Variants in SLC35F5 observed in about 807,000 individuals in gnomAD.
The protein encoded by SLC35F5 is solute carrier family 35 member F5, also known as HCV NS5A-transactivated protein 3.
SLC35F5 carries 54 observed loss-of-function variants against 68.6 expected under a neutral mutation model. That is an observed-to-expected ratio of 0.79 (90% CI 0.63 to 0.99). The LOEUF (loss-of-function observed/expected upper bound fraction) is 0.99, where lower values mean the gene tolerates loss of function less well. SLC35F5 is among the 50% of genes least tolerant of loss of function. SLC35F5 has a pLI of 0.00. For missense variants in SLC35F5, 567 were observed against 626.9 expected (o/e 0.90, Z 1.02); for synonymous variants, 211 against 205.2 (o/e 1.03, Z -0.24).
At chr2:113,703,435 T>G (rs988418737), downstream of SLC35F5, among the ~76,000 whole-genome samples, 1 of 152,164 alleles carries the variant, frequency 6.6e-6, no homozygotes, top group African/African-American at 2.4e-5. Context: ...TAATTCCAAT[T>G]TTAAAACAAA....
At chr2:113,728,141 G>A (rs1486441494) in intron 11 of SLC35F5, among the ~76,000 whole-genome samples, 1 of 152,040 alleles carries the variant, frequency 6.6e-6, no homozygotes, top group Non-Finnish European at 1.5e-5. Context: ...ACAAACACAT[G>A]TAACCAAACC....
chr2:113,752,363 A>G (rs1676780161), intron 3 of SLC35F5, among the ~76,000 whole-genome samples: 1 of 152,208 alleles, frequency 6.6e-6, no homozygotes, highest in Non-Finnish European at 1.5e-5. Flanking sequence ...AAACGTGGAT[A>G]TTCAACTATT....
In SLC35F5 at chr2:113,719,185, C is replaced by T; in HGVS notation, c.1465G>A (p.Ala489Thr). ...PVMVGIRRIF[A>T]FICRKHRIQR... ...ATTCGATGTTTTCTGCATATAAAAG[C>T]AAATATTCTTCTGATTCCCACCATC... The change falls in exon 14 of 16, where the codon GCT (alanine) becomes ACT (threonine). Residue 489 changes from alanine to threonine, a missense_variant. Ala to Thr is a moderately conservative substitution (Grantham distance 58). Coordinates refer to ENST00000245680, the MANE Select transcript of SLC35F5 (RefSeq NM_025181.5). The T allele has an allele frequency of 6.2e-7, 1 of 1,606,768 alleles. No homozygotes were observed.
downstream of SLC35F5, among the ~76,000 whole-genome samples, chr2:113,706,356 G>A (rs1180898017): frequency 2.0e-5 from 3 of 151,952 alleles, no homozygotes; most frequent in Non-Finnish European, 4.4e-5. Flanking sequence ...GCTCTGCTGC[G>A]GGGGTTGTGC....
At position 113,756,155 on chromosome 2, in the gene SLC35F5, C is replaced by G. The variant is rs988920776; in HGVS notation, c.40+215G>C. 7 of 1,449,654 alleles carry G rather than the reference C, an allele frequency of 4.8e-6. No homozygotes were observed. In the African/African-American group the frequency reaches 8.6e-5, roughly 18 times the overall value. 89.8% of individuals were successfully genotyped at this position (1,449,654 alleles called of 1,614,324 possible). On this transcript the variant is annotated intron_variant, in intron 1 of 15. Transcript: ENST00000245680. ...AGGCAGCGACGCCTCCCCGGGGAGC[C>G]GAGGCGAGGGCGCACGCACGGCTTC...
At chr2:113,748,474 A>G (rs1277969818) in intron 4 of SLC35F5, among the ~76,000 whole-genome samples, 1 of 152,142 alleles carries the variant, frequency 6.6e-6, no homozygotes, top group Non-Finnish European at 1.5e-5. Context: ...GCCCAATTCC[A>G]TTTTTGTAAA....
intron 1 of SLC35F5, 118 bp from the exon 2 acceptor site, chr2:113,755,662 T>G (rs1302433799): frequency 9.0e-7 from 1 of 1,107,862 alleles, no homozygotes; most frequent in African/African-American, 1.6e-5. Context: ...AGGACCAAAA[T>G]GTGTTAAACA....
intron 4 of SLC35F5, among the ~76,000 whole-genome samples, chr2:113,747,004 A>G (rs1676518621): frequency 6.6e-6 from 1 of 151,984 alleles, no homozygotes; most frequent in African/African-American, 2.4e-5. Flanking sequence ...CCTCTGAATG[A>G]GACCAAGCAC....
At chr2:113,737,978 T>C (rs144087066) in intron 7 of SLC35F5, among the ~76,000 whole-genome samples, 101 of 151,488 alleles carry the variant, frequency 6.7e-4, no homozygotes, top group African/African-American at 2.2e-3. Context: ...TGTTAATATT[T>C]GATAAAAATA....
In SLC35F5 at chr2:113,719,277, G is replaced by A. The variant is rs1178177321; in HGVS notation, c.1373C>T (p.Ala458Val). The A allele has an allele frequency of 1.3e-6, 2 of 1,570,798 alleles. No individual in the cohort carries two copies. Among genetic ancestry groups the A allele is most frequent in the Middle Eastern group, 1.9e-4 (1 of 5,186 alleles). Residue 458 changes from alanine to valine, a missense_variant, in exon 14 of 16, where the codon GCT (alanine) becomes GTT (valine). By Grantham distance (64) the Ala-to-Val change is moderately conservative. Coordinates refer to ENST00000245680, the MANE Select transcript of SLC35F5 (RefSeq NM_025181.5). ...AAAAAATGAAAAAAATACAGGGATA[G>A]CTCCTGCAAAAAATAACCAAGAAAA... ...VQFSWLFFAG[A>V]IPVFFSFFIV... is the part of the protein sequence containing the mutation.
rs538271495 is a variant in SLC35F5 at position 113,729,712 on chromosome 2, G to A, written c.986-207C>T. ...AAGTCTTCTAGGAGTACAGGAAGGA[G>A]TTTAATGTGTTAACAAATAAATGCA... On this transcript the variant is annotated intron_variant, in intron 10 of 15. Coordinates refer to ENST00000245680, the MANE Select transcript of SLC35F5 (RefSeq NM_025181.5). Among the ~76,000 whole-genome samples, 4 of 152,288 alleles carry A rather than the reference G, an allele frequency of 2.6e-5. 1 individual carries two copies. The South Asian group carries it at 8.3e-4, about 32-fold the overall frequency.
chr2:113,737,074 T>C (rs1297135211), intron 7 of SLC35F5, among the ~76,000 whole-genome samples: 1 of 152,180 alleles, frequency 6.6e-6, no homozygotes, highest in Non-Finnish European at 1.5e-5. Context: ...CAAACTAAAC[T>C]AATGGCTAGT....
chr2:113,754,317 A>AC (rs1676880670), intron 3 of SLC35F5, among the ~76,000 whole-genome samples: 1 of 151,890 alleles, frequency 6.6e-6, no homozygotes, highest in African/African-American at 2.4e-5. Flanking sequence ...AAAAAAAAAA[A>AC]AAACTTATAT....
chr2:113,731,909 T>C (rs761225109), intron 9 of SLC35F5, among the ~76,000 whole-genome samples: 1 of 152,144 alleles, frequency 6.6e-6, no homozygotes, highest in African/African-American at 2.4e-5. Context: ...CCATTTTACA[T>C]GTGAAAGCTA....
chr2:113,744,142 T>C (rs1249097763), intron 5 of SLC35F5, among the ~76,000 whole-genome samples: 1 of 152,202 alleles, frequency 6.6e-6, no homozygotes, highest in African/African-American at 2.4e-5. Flanking sequence ...CAAATGCTCA[T>C]AGTAGGAGTC....
At chr2:113,725,588 C>G in intron 11 of SLC35F5, 51 bp from the exon 12 acceptor site, 1 of 1,470,040 alleles carries the variant, frequency 6.8e-7, no homozygotes, top group African/African-American at 1.4e-5. Flanking sequence ...TTTCTATTTT[C>G]CAAGCTTATT....
Position 113,755,114 on chromosome 2 carries a change from G to A in SLC35F5, c.273+51C>T, listed in dbSNP as rs749360112. On this transcript the variant is annotated intron_variant, in intron 3 of 15. Transcript: ENST00000245680. The stretch of plus-strand genomic sequence containing the variant: ...CGGCTAGAGTTACTACAGGTTAAGA[G>A]TTAACATTGTGGCTGTAATGTAACA... 10 of 1,584,120 alleles carry A rather than the reference G, an allele frequency of 6.3e-6. No homozygotes were observed. In the South Asian group the frequency reaches 1.1e-4, roughly 18 times the overall value.
chr2:113,755,418 T>C (rs1434468657), intron 2 of SLC35F5, 36 bp downstream of exon 2: 3 of 1,609,468 alleles, frequency 1.9e-6, no homozygotes, highest in Non-Finnish European at 2.6e-6. Flanking sequence ...TAATGTTCAG[T>C]GTGAAAGTTA....
chr2:113,740,769 G>C (rs553723507), intron 7 of SLC35F5, among the ~76,000 whole-genome samples: 23 of 152,220 alleles, frequency 1.5e-4, no homozygotes, highest in African/African-American at 5.3e-4. Flanking sequence ...TGAGACTACA[G>C]GTGCACACCA....
Sources: gnomAD v4.1 joint callset for allele counts (sites outside exome capture counted in the v4.1 genomes callset) on GRCh38, gnomAD v4.1.1 for gene constraint, MANE v1.5 for transcripts, NCBI Gene and HGNC (gene_info 2026-07-23, HGNC 2026-07-21) for gene names.